The following ABCG1 variants were observed in gnomAD, a reference collection of about 807,000 sequenced individuals.
The protein encoded by ABCG1 is ATP binding cassette subfamily G member 1.
In ABCG1, 29 loss-of-function variants were observed where a neutral mutation model predicts 69.2. The ratio of observed to expected loss-of-function variants is 0.42; its 90% CI spans 0.31 to 0.57. ABCG1 has a LOEUF of 0.57. Ranked by LOEUF, ABCG1 falls within the 20% of genes least tolerant of loss-of-function variation. The probability of loss-of-function intolerance (pLI) is 0.15; values close to 1 mark genes in which losing one functional copy is unlikely to be tolerated. For synonymous variants in ABCG1, 370 were observed against 374.8 expected (o/e 0.99, Z 0.15); for missense variants, 718 against 898.1 (o/e 0.80, Z 2.56).
chr21:42,271,718 C>T (rs1288336040), intron 3 of ABCG1, among the ~76,000 whole-genome samples: 1 of 152,144 alleles, frequency 6.6e-6, no homozygotes. Flanking sequence ...CCCATCTCTA[C>T]TGAAGATACA....
intron 2 of ABCG1, among the ~76,000 whole-genome samples, chr21:42,270,689 C>T (rs569378947): frequency 3.9e-5 from 6 of 152,268 alleles, no homozygotes; most frequent in Admixed American, 3.9e-4. Context: ...AGTGCTGCAG[C>T]TCAGAGCTGG....
rs1361335384 is a variant in ABCG1 at position 42,291,399 on chromosome 21, C to A, written c.1495-99C>A. The A allele has an allele frequency of 5.4e-6, 8 of 1,491,672 alleles. 1 individual carries two copies. Among genetic ancestry groups the A allele is most frequent in the Non-Finnish European group, 3.6e-6 (4 of 1,098,812 alleles). The allele number at this position is 1,491,672 out of a possible 1,614,324, so 92.4% of individuals were successfully genotyped here. Reference sequence around the variant, plus strand: ...AAGGACCCGACTTTGGGAGCTCTGGCGGGAGCTGCGGGGAAGGGCTGGCTG... The same window carrying A: ...AAGGACCCGACTTTGGGAGCTCTGGAGGGAGCTGCGGGGAAGGGCTGGCTG... On this transcript the variant is annotated intron_variant, in intron 12 of 14. Transcript: ENST00000398449. This position sits in a 1 kb window ranked among gnomAD's most constrained non-coding sequence, Gnocchi z 6.4.
Position 42,219,407 on chromosome 21 carries a change from C to A in ABCG1, c.42+103C>A. 6.8e-7 allele frequency: 1 copy of A among 1,466,966 alleles called. No individual in the cohort carries two copies. The highest frequency in any genetic ancestry group is 9.1e-7 in the Non-Finnish European group (1 of 1,101,164). The allele number at this position is 1,466,966 out of a possible 1,614,324, so 90.9% of individuals were successfully genotyped here. A position where few individuals can be genotyped will look rare whatever the true frequency, so the allele number is the denominator to read the frequency against. ...CTCGACCTGACACCCCTCCCAGGAGCGCGTCCTCTGGGCGCTGACCCAGGG... is the reference window on the plus strand; with the variant it reads ...CTCGACCTGACACCCCTCCCAGGAGAGCGTCCTCTGGGCGCTGACCCAGGG... On this transcript the variant is annotated intron_variant, in intron 1 of 14. Transcript: ENST00000398449. This position sits in a 1 kb window ranked among gnomAD's most constrained non-coding sequence, Gnocchi z 5.3.
intron 2 of ABCG1, among the ~76,000 whole-genome samples, chr21:42,250,385 A>G (rs745765587): frequency 1.9e-4 from 29 of 152,114 alleles, no homozygotes; most frequent in Non-Finnish European, 3.5e-4. Context: ...TCCCTGCCCC[A>G]TGCCTCAGTG....
At chr21:42,237,275 G>A (rs995777152) in intron 2 of ABCG1, among the ~76,000 whole-genome samples, 2 of 152,206 alleles carry the variant, frequency 1.3e-5, no homozygotes, top group African/African-American at 4.8e-5. Context: ...GGGCTCTCTT[G>A]GAGCCCTTTT....
At chr21:42,201,720 T>A in exon 2 of ABCG1, 1 of 1,613,938 alleles carries the variant, frequency 6.2e-7, no homozygotes, top group Non-Finnish European at 8.5e-7. Context: ...AGCCCTGCCC[T>A]CAGGTGTGGT....
intron 2 of ABCG1, among the ~76,000 whole-genome samples, chr21:42,245,909 A>ATGAGG (rs2068127480): frequency 3.3e-5 from 3 of 91,048 alleles, no homozygotes; most frequent in African/African-American, 1.3e-4. Flanking sequence ...AGGCAGCAGA[A>ATGAGG]AGTGCTGACT....
At chr21:42,209,007 G>A (rs775422978) in intron 2 of ABCG1, among the ~76,000 whole-genome samples, 15 of 152,196 alleles carry the variant, frequency 9.9e-5, no homozygotes, top group Non-Finnish European at 1.9e-4. Context: ...AGGGTCAGGA[G>A]AAATGTCTCG....
intron 2 of ABCG1, among the ~76,000 whole-genome samples, chr21:42,267,867 TGGTCTGGGTTCTGTCTGGGTG>T (rs2068542215): frequency 8.4e-6 from 1 of 118,466 alleles, no homozygotes; most frequent in Admixed American, 8.5e-5. Context: ...GATCTGGGTC[TGGTCTGGGTTCTGTCTGGGTG>T]TGGTCTGGGT....
intron 2 of ABCG1, among the ~76,000 whole-genome samples, chr21:42,264,435 A>G (rs2068467063): frequency 6.6e-6 from 1 of 151,942 alleles, no homozygotes; most frequent in Non-Finnish European, 1.5e-5. Flanking sequence ...CCATCCATCC[A>G]TCCGTCAATC....
chr21:42,291,347 C>A lies in ABCG1; in HGVS notation c.1495-151C>A. The stretch of plus-strand genomic sequence containing the variant: ...GCGGGGAAGGGCCTGACTTCGGGAG[C>A]TGTGGCGGGAGCTGTGGGGAGTGGG... On this transcript the variant is annotated intron_variant, in intron 12 of 14. Coordinates refer to ENST00000398449, the MANE Select transcript of ABCG1 (RefSeq NM_016818.3). This position sits in a 1 kb window ranked among gnomAD's most constrained non-coding sequence, Gnocchi z 6.4. 1 of 1,205,862 alleles carries A rather than the reference C, an allele frequency of 8.3e-7. No homozygotes were observed. The highest frequency in any genetic ancestry group is 1.2e-6 in the Non-Finnish European group (1 of 856,160). 74.7% of individuals were successfully genotyped at this position (1,205,862 alleles called of 1,614,324 possible).
In ABCG1 at chr21:42,287,437, G is replaced by A. The variant is rs2068963245; in HGVS notation, c.974-452G>A. Reference sequence around the variant, plus strand: ...GGGTGCCAGCCACTCATGTGGCGATGGGCACGTCCTTCTCTGCCATCTTGT... The same window carrying A: ...GGGTGCCAGCCACTCATGTGGCGATAGGCACGTCCTTCTCTGCCATCTTGT... On this transcript the variant is annotated intron_variant, in intron 8 of 14. Coordinates refer to ENST00000398449, the MANE Select transcript of ABCG1 (RefSeq NM_016818.3). This position sits in a 1 kb window ranked among gnomAD's most constrained non-coding sequence, Gnocchi z 6.2. 6.6e-6 allele frequency among the ~76,000 whole-genome samples: 1 copy of A among 152,286 alleles called. No individual in the cohort carries two copies. Among genetic ancestry groups the A allele is most frequent in the South Asian group, 2.1e-4 (1 of 4,824 alleles).
At chr21:42,226,715 G>T (rs182310123) in intron 2 of ABCG1, among the ~76,000 whole-genome samples, 1 of 152,092 alleles carries the variant, frequency 6.6e-6, no homozygotes, top group African/African-American at 2.4e-5. Context: ...GCTCCTAAGT[G>T]GATCAGACAG....
chr21:42,235,322 G>A (rs1264371811), intron 2 of ABCG1, among the ~76,000 whole-genome samples: 1 of 152,212 alleles, frequency 6.6e-6, no homozygotes, highest in African/African-American at 2.4e-5. Flanking sequence ...TGGAGTCTGC[G>A]CCCCTGTGGC....
intron 2 of ABCG1, among the ~76,000 whole-genome samples, chr21:42,242,325 G>C (rs1411127801): frequency 6.6e-6 from 1 of 152,200 alleles, no homozygotes; most frequent in African/African-American, 2.4e-5. Flanking sequence ...GCAACATAGC[G>C]AGACGCTGTC....
chr21:42,269,258 C>G (rs2068572230), intron 2 of ABCG1, among the ~76,000 whole-genome samples: 1 of 152,164 alleles, frequency 6.6e-6, no homozygotes, highest in Admixed American at 6.5e-5. Flanking sequence ...GCGTGGGTCC[C>G]CGGGGGCCTG....
rs908692606 is a variant in ABCG1, at chr21:42,287,950, G to A, written c.1035G>A (p.Arg345=). 5.6e-6 allele frequency: 9 copies of A among 1,613,642 alleles called. No individual in the cohort carries two copies. In the Middle Eastern group the frequency reaches 5.0e-4, roughly 89 times the overall value. ...DQNSRLVRAV[R]EGMCDSDHKR... is the part of the protein sequence containing the mutation. Reference sequence around the variant, plus strand: ...ACAGTCGGCTGGTGAGAGCGGTTCGGGAGGGCATGTGTGACTCAGACCACA... The same window carrying A: ...ACAGTCGGCTGGTGAGAGCGGTTCGAGAGGGCATGTGTGACTCAGACCACA... Residue 345 remains arginine (R), a synonymous_variant, in exon 9 of 15, where the codon CGG becomes CGA. Transcript: ENST00000398449. The surrounding 1 kb of genome is among the most constrained non-coding windows in gnomAD (Gnocchi z 6.2).
chr21:42,212,821 G>A (rs2067601966), upstream of ABCG1, among the ~76,000 whole-genome samples: 1 of 151,368 alleles, frequency 6.6e-6, no homozygotes, highest in Non-Finnish European at 1.5e-5. Context: ...AGCCTCCCGA[G>A]TAGCTGGGGC....
chr21:42,282,594 C>G (rs918872286), intron 6 of ABCG1, among the ~76,000 whole-genome samples, 175 bp downstream of exon 6: 3 of 152,238 alleles, frequency 2.0e-5, no homozygotes, highest in Non-Finnish European at 4.4e-5. Flanking sequence ...CTTATGCCCC[C>G]TCTCTCACTC....
Sources: gnomAD v4.1 joint callset for allele counts (sites outside exome capture counted in the v4.1 genomes callset) on GRCh38, gnomAD v4.1.1 for gene constraint, Gnocchi (gnomAD v3.1) non-coding constraint, MANE v1.5 for transcripts, NCBI Gene and HGNC (gene_info 2026-07-23, HGNC 2026-07-21) for gene names.